Variants in ARHGAP10 observed in about 807,000 individuals in gnomAD.
ARHGAP10 encodes the protein Rho GTPase activating protein 10.
In ARHGAP10, 87 loss-of-function variants were observed where a neutral mutation model predicts 108.6. The ratio of observed to expected loss-of-function variants is 0.80; its 90% CI spans 0.67 to 0.96. The LOEUF (loss-of-function observed/expected upper bound fraction) is 0.96. Among genes scored for constraint, ARHGAP10 ranks in the 40% least tolerant of loss-of-function variants. The probability of loss-of-function intolerance (pLI) is 0.00; values close to 1 mark genes in which losing one functional copy is unlikely to be tolerated. For synonymous variants in ARHGAP10, 347 were observed against 341.1 expected, an observed-to-expected ratio of 1.02 and a Z score of -0.19; for missense variants, 939 against 954.5, an observed-to-expected ratio of 0.98 and a Z score of 0.21.
At chr4:147,822,848 G>GT (rs779618994) in intron 2 of ARHGAP10, 26 bp downstream of exon 2, 64 of 1,613,802 alleles carry the variant, frequency 4.0e-5, no homozygotes, top group Non-Finnish European at 4.7e-5. Context: ...ATTTTGGTTT[G>GT]TTTTCCTTTG....
chr4:148,001,165 A>G (rs992699499), intron 18 of ARHGAP10, among the ~76,000 whole-genome samples: 13 of 152,214 alleles, frequency 8.5e-5, no homozygotes, highest in Non-Finnish European at 1.6e-4. Flanking sequence ...CTTTTATTGA[A>G]TAGGGAATCC....
chr4:148,031,330 T>C (rs1560883847), intron 19 of ARHGAP10, among the ~76,000 whole-genome samples: 1 of 152,206 alleles, frequency 6.6e-6, no homozygotes, highest in East Asian at 1.9e-4. Context: ...ATTAGCATAT[T>C]ATATACCAAG....
intron 3 of ARHGAP10, among the ~76,000 whole-genome samples, chr4:147,839,134 A>G (rs113939921): frequency 0.02 from 2,878 of 144,010 alleles, 92 homozygotes; most frequent in African/African-American, 0.07. Context: ...CTATCTATCT[A>G]TCTATCTATC....
At chr4:147,928,785 C>T (rs1025200097) in intron 13 of ARHGAP10, among the ~76,000 whole-genome samples, 2 of 152,168 alleles carry the variant, frequency 1.3e-5, no homozygotes, top group Non-Finnish European at 2.9e-5. Context: ...TTATATGTAT[C>T]GTGCCTGGCT....
chr4:148,035,784 G>A (rs1578812023), intron 19 of ARHGAP10, among the ~76,000 whole-genome samples: 1 of 152,170 alleles, frequency 6.6e-6, no homozygotes, highest in African/African-American at 2.4e-5. Context: ...AGTTGGCAGG[G>A]TTAATGTCTT....
chr4:147,745,873 A>G (rs1394786756), intron 1 of ARHGAP10, among the ~76,000 whole-genome samples: 6 of 130,658 alleles, frequency 4.6e-5, no homozygotes, highest in African/African-American at 1.2e-4. Context: ...GGCAACCTCC[A>G]CTTCCCAGGT....
intron 18 of ARHGAP10, among the ~76,000 whole-genome samples, chr4:147,983,194 T>G (rs1417859403): frequency 1.5e-5 from 2 of 134,578 alleles, no homozygotes; most frequent in South Asian, 2.4e-4. Context: ...TTTGTTTTTT[T>G]TTTTTTTTTG....
chr4:147,999,007 T>C (rs77889855), intron 18 of ARHGAP10, among the ~76,000 whole-genome samples: 22,297 of 152,154 alleles, frequency 0.15, 2,680 homozygotes, highest in African/African-American at 0.33. Context: ...TCCACAGATA[T>C]GATTGTGTAC....
Position 148,045,909 on chromosome 4 carries a change from A to G in ARHGAP10, c.1868-983A>G, listed in dbSNP as rs1350074255. On this transcript the variant is annotated intron_variant, in intron 19 of 22. Transcript: ENST00000336498. ...TTGGGGGCTGGGGTTATGGACCTCT[A>G]TGTGTGTCACATTTGCTTCCATAGC... is the stretch of plus-strand genomic sequence containing the variant. 2.6e-5 allele frequency among the ~76,000 whole-genome samples: 4 copies of G among 152,168 alleles called. No homozygotes were observed. In the East Asian group the frequency reaches 7.7e-4, roughly 29 times the overall value.
In ARHGAP10 at chr4:147,870,928, C is replaced by CTGTGTGTG. The variant is rs57348496; in HGVS notation, c.703-4053_703-4046dup. On this transcript the variant is annotated intron_variant, in intron 7 of 22. Coordinates refer to ENST00000336498, the MANE Select transcript of ARHGAP10 (RefSeq NM_024605.4). ...GAAAGTAGAATACCAAAACTACAGA[C>CTGTGTGTG]TGTGTGTGTGTGTGTGTGTGTGTGT... 2.2e-3 allele frequency among the ~76,000 whole-genome samples: 303 copies of CTGTGTGTG among 139,136 alleles called. 2 individuals are homozygous for CTGTGTGTG. Among genetic ancestry groups the CTGTGTGTG allele is most frequent in the East Asian group, 6.8e-3 (32 of 4,726 alleles). 91.3% of individuals were successfully genotyped at this position (139,136 alleles called of 152,430 possible). A position where few individuals can be genotyped will look rare whatever the true frequency, so the allele number is the denominator to read the frequency against.
rs530796637 is a variant in ARHGAP10, at chr4:147,827,891, C to T, written c.312+4934C>T. Among the ~76,000 whole-genome samples, 83 of 152,228 alleles carry T rather than the reference C, an allele frequency of 5.5e-4. 1 individual carries two copies. The highest frequency in any genetic ancestry group is 1.7e-3 in the African/African-American group (70 of 41,546). On this transcript the variant is annotated intron_variant, in intron 3 of 22. Transcript: ENST00000336498. Reference sequence around the variant, plus strand: ...TGCAATCTCAGCTCACTGCAGCCTCCGCCTCCCAGGTTCAAGCGATTTTCC... The same window carrying T: ...TGCAATCTCAGCTCACTGCAGCCTCTGCCTCCCAGGTTCAAGCGATTTTCC...
intron 1 of ARHGAP10, among the ~76,000 whole-genome samples, chr4:147,779,036 G>A (rs1255507709): frequency 2.0e-5 from 3 of 152,142 alleles, no homozygotes; most frequent in African/African-American, 7.2e-5. Context: ...GGTTTCTTCC[G>A]GGCAGTGGTT....
At chr4:147,766,369 C>T (rs926501437) in intron 1 of ARHGAP10, among the ~76,000 whole-genome samples, 5 of 152,002 alleles carry the variant, frequency 3.3e-5, no homozygotes, top group Admixed American at 3.3e-4. Context: ...ACATTACTTA[C>T]GATACTTAAT....
chr4:148,071,995 C>T lies in ARHGAP10; in HGVS notation c.2275C>T (p.Gln759Ter), dbSNP rs763484344. 2 of 1,612,738 alleles carry T rather than the reference C, an allele frequency of 1.2e-6. No individual in the cohort carries two copies. The highest frequency in any genetic ancestry group is 2.7e-5 in the African/African-American group (2 of 74,840). Residue 759 changes from glutamine to a stop codon, truncating the protein, a stop_gained and splice_region_variant, in exon 23 of 23, where the codon CAA (glutamine) becomes TAA (stop). Transcript: ENST00000336498. LOFTEE classifies it high-confidence loss of function. The stretch of plus-strand genomic sequence containing the variant: ...GTGATTTTTCTCTTCCTTTTCAGTA[C>T]AAACCTCCAGGGAACCTGGCTGGCT... Reference protein sequence around the residue: ...FEIGAIFEDVQTSREPGWLEG... With the variant: ...FEIGAIFEDV
At chr4:147,873,681 A>ACACACACACACAC (rs1734934734) in intron 7 of ARHGAP10, among the ~76,000 whole-genome samples, 10 of 98,722 alleles carry the variant, frequency 1.0e-4, no homozygotes, top group Non-Finnish European at 1.8e-4. Context: ...CAAAAAACAA[A>ACACACACACACAC]ACACACACAC....
chr4:148,028,342 T>G (rs933479182), intron 19 of ARHGAP10, among the ~76,000 whole-genome samples: 1 of 152,116 alleles, frequency 6.6e-6, no homozygotes, highest in Non-Finnish European at 1.5e-5. Context: ...AGAGACAGCT[T>G]AAGGGACAAA....
chr4:147,887,211 A>G (rs7660508), intron 10 of ARHGAP10, among the ~76,000 whole-genome samples: 111,381 of 151,996 alleles, frequency 0.73, 45,742 homozygotes, highest in Non-Finnish European at 0.92. Context: ...TTCCCGCTCT[A>G]GACACCCACC....
intron 22 of ARHGAP10, among the ~76,000 whole-genome samples, chr4:148,068,736 C>T (rs1560902750): frequency 6.6e-6 from 1 of 152,286 alleles, no homozygotes; most frequent in East Asian, 1.9e-4. Context: ...CCTGTGGGTC[C>T]TGTGGCAGTT....
At chr4:148,013,629 A>G (rs1184552202) in intron 18 of ARHGAP10, among the ~76,000 whole-genome samples, 3 of 152,152 alleles carry the variant, frequency 2.0e-5, no homozygotes, top group Non-Finnish European at 4.4e-5. Context: ...CGGAGCTTGC[A>G]GTGAGCTGAG....
Sources: gnomAD v4.1 joint callset for allele counts (sites outside exome capture counted in the v4.1 genomes callset) on GRCh38, gnomAD v4.1.1 for gene constraint, MANE v1.5 for transcripts, NCBI Gene and HGNC (gene_info 2026-07-23, HGNC 2026-07-21) for gene names.